The following LRRC4B variants were observed in gnomAD, a reference collection of about 807,000 sequenced individuals.
LRRC4B encodes the protein leucine rich repeat containing 4B.
A neutral mutation model predicts 7.3 loss-of-function variants in LRRC4B; 1 was observed. The observed-to-expected ratio is 0.14, with a 90% CI of 0.05 to 0.65. The LOEUF (loss-of-function observed/expected upper bound fraction) is 0.65, where lower values mean the gene tolerates loss of function less well. Among genes scored for constraint, LRRC4B ranks in the 30% least tolerant of loss-of-function variants. LRRC4B has a pLI of 0.84. For synonymous variants in LRRC4B, 500 were observed against 499.2 expected (o/e 1.00, Z -0.02); for missense variants, 730 against 1,041.6 (o/e 0.70, Z 4.12).
At chr19:50,539,949 A>G (rs957499988) in intron 2 of LRRC4B, among the ~76,000 whole-genome samples, 1 of 152,098 alleles carries the variant, frequency 6.6e-6, no homozygotes, top group African/African-American at 2.4e-5. Flanking sequence ...TAAAGAAAAC[A>G]TAAAGAAGAA....
chr19:50,526,581 G>A (rs548604248), intron 2 of LRRC4B, among the ~76,000 whole-genome samples: 6 of 152,190 alleles, frequency 3.9e-5, no homozygotes, highest in Non-Finnish European at 7.3e-5. Flanking sequence ...AGTGGCTTAC[G>A]CCTGTAATCC....
chr19:50,548,512 G>C lies in LRRC4B; in HGVS notation c.297+30C>G. On this transcript the variant is annotated intron_variant, in intron 2 of 2. Coordinates refer to ENST00000652263, the MANE Select transcript of LRRC4B (RefSeq NM_001080457.2). The surrounding 1 kb of genome is among the most constrained non-coding windows in gnomAD (Gnocchi z 6.8). ...CATGCCTCCCCAGTGTCCCCTCCAA[G>C]GTCCCCCTCTGCCCGCTGGCCCCGC... 1 of 1,569,406 alleles carries C rather than the reference G, an allele frequency of 6.4e-7. No homozygotes were observed.
Position 50,553,064 on chromosome 19 carries a change from G to A in LRRC4B, c.-35-4191C>T, listed in dbSNP as rs534826489. Among the ~76,000 whole-genome samples, 28 of 152,284 alleles carry A rather than the reference G, an allele frequency of 1.8e-4. No individual in the cohort carries two copies. The highest frequency in any genetic ancestry group is 5.2e-4 in the Admixed American group (8 of 15,290). The stretch of plus-strand genomic sequence containing the variant: ...CTAGGGCCACTGTGGGGATTAAATC[G>A]CTAAATCCTTGGTAAAGAGTTCTGT... On this transcript the variant is annotated intron_variant, in intron 1 of 2. Transcript: ENST00000652263. This position sits in a 1 kb window ranked among gnomAD's most constrained non-coding sequence, Gnocchi z 4.2.
At chr19:50,524,484 C>T (rs1293654749) in intron 2 of LRRC4B, among the ~76,000 whole-genome samples, 1 of 152,108 alleles carries the variant, frequency 6.6e-6, no homozygotes, top group Non-Finnish European at 1.5e-5. Flanking sequence ...AAACTCCTGG[C>T]CTCAAGCGAT....
In LRRC4B at chr19:50,517,505, A is replaced by G; in HGVS notation, c.*66T>C. On this transcript the variant is annotated 3_prime_UTR_variant, in exon 3 of 3. Coordinates refer to ENST00000652263, the MANE Select transcript of LRRC4B (RefSeq NM_001080457.2). This position sits in a 1 kb window ranked among gnomAD's most constrained non-coding sequence, Gnocchi z 6.6. ...GCTGTGGGAGGGAGGGGTCCCGGTC[A>G]GGCTGCGCCCGGGCTGGGACCTGGG... 7.6e-7 allele frequency: 1 copy of G among 1,311,986 alleles called. No homozygotes were observed. The allele number at this position is 1,311,986 out of a possible 1,614,324, so 81.3% of individuals were successfully genotyped here.
chr19:50,522,866 T>C (rs780506542), intron 2 of LRRC4B, among the ~76,000 whole-genome samples: 2 of 152,236 alleles, frequency 1.3e-5, no homozygotes, highest in Non-Finnish European at 2.9e-5. Context: ...CACTAAGATA[T>C]TATAAAACCT....
intron 1 of LRRC4B, among the ~76,000 whole-genome samples, chr19:50,564,419 C>G (rs1485434464): frequency 6.6e-6 from 1 of 151,840 alleles, no homozygotes; most frequent in African/African-American, 2.4e-5. Context: ...CTGGCAGGAA[C>G]AGCAGCAGAG....
intron 2 of LRRC4B, among the ~76,000 whole-genome samples, chr19:50,536,984 G>C (rs1382289966): frequency 1.3e-5 from 2 of 152,126 alleles, no homozygotes; most frequent in Non-Finnish European, 2.9e-5. Flanking sequence ...TGTGGTGGCA[G>C]GGGTGTGTGG....
At chr19:50,525,129 C>T (rs1980749027) in intron 2 of LRRC4B, among the ~76,000 whole-genome samples, 1 of 152,160 alleles carries the variant, frequency 6.6e-6, no homozygotes, top group African/African-American at 2.4e-5. Flanking sequence ...GTGTGAAGAG[C>T]AGAGCCCTGT....
At position 50,535,077 on chromosome 19, in the gene LRRC4B, C is replaced by T. The variant is rs149468890; in HGVS notation, c.297+13465G>A. Among the ~76,000 whole-genome samples, 491 of 152,122 alleles carry T rather than the reference C, an allele frequency of 3.2e-3. 2 individuals are homozygous for T. The highest frequency in any genetic ancestry group is 0.011 in the African/African-American group (460 of 41,486). On this transcript the variant is annotated intron_variant, in intron 2 of 2. Coordinates refer to ENST00000652263, the MANE Select transcript of LRRC4B (RefSeq NM_001080457.2). Reference sequence around the variant, plus strand: ...TAGAGACAGGGTTTCACTGTGTTAGCCAGGATGGTCTCGATCTCCTGACCT... The same window carrying T: ...TAGAGACAGGGTTTCACTGTGTTAGTCAGGATGGTCTCGATCTCCTGACCT...
intron 1 of LRRC4B, among the ~76,000 whole-genome samples, chr19:50,565,060 GC>G (rs1454419311): frequency 6.6e-6 from 1 of 152,172 alleles, no homozygotes; most frequent in East Asian, 1.9e-4. Flanking sequence ...TCCCTGAGGA[GC>G]CCCGTGGCGA....
At chr19:50,538,559 GTTTTT>G (rs71886675) in intron 2 of LRRC4B, among the ~76,000 whole-genome samples, 2 of 90,324 alleles carry the variant, frequency 2.2e-5, no homozygotes, top group African/African-American at 3.6e-5. Flanking sequence ...GTTTTGTCTT[GTTTTT>G]TTTTTTTTTT....
chr19:50,551,732 G>A (rs1982075157), intron 1 of LRRC4B, among the ~76,000 whole-genome samples: 1 of 150,856 alleles, frequency 6.6e-6, no homozygotes, highest in Admixed American at 6.6e-5. Context: ...GCCCGTCTCA[G>A]TCAGGTTGTC....
intron 2 of LRRC4B, among the ~76,000 whole-genome samples, chr19:50,536,975 G>A (rs1981322791): frequency 6.6e-6 from 1 of 152,130 alleles, no homozygotes; most frequent in Non-Finnish European, 1.5e-5. Flanking sequence ...CCAGCTGGGT[G>A]TGGTGGCAGG....
At chr19:50,544,251 A>C (rs1981694442) in intron 2 of LRRC4B, among the ~76,000 whole-genome samples, 1 of 152,152 alleles carries the variant, frequency 6.6e-6, no homozygotes, top group Admixed American at 6.6e-5. Context: ...TCATGCCTGT[A>C]ATCCCAGCAC....
intron 2 of LRRC4B, among the ~76,000 whole-genome samples, chr19:50,525,056 C>T (rs1980745591): frequency 1.3e-5 from 2 of 152,218 alleles, no homozygotes; most frequent in Non-Finnish European, 2.9e-5. Flanking sequence ...CTCGCTCGGC[C>T]ACCTCACACC....
intron 2 of LRRC4B, among the ~76,000 whole-genome samples, chr19:50,542,764 C>A (rs1280121270): frequency 6.6e-6 from 1 of 152,110 alleles, no homozygotes; most frequent in African/African-American, 2.4e-5. Flanking sequence ...GGCATAGCCA[C>A]CGCGCCTGGC....
chr19:50,547,258 G>A (rs138080383), intron 2 of LRRC4B, among the ~76,000 whole-genome samples: 15 of 152,238 alleles, frequency 9.9e-5, no homozygotes, highest in Non-Finnish European at 2.2e-4. Flanking sequence ...GTGATGTGAC[G>A]ACGCCCCTGA....
intron 2 of LRRC4B, among the ~76,000 whole-genome samples, chr19:50,541,667 T>C (rs12979022): frequency 1.1e-4 from 16 of 152,206 alleles, no homozygotes; most frequent in African/African-American, 9.6e-5. Context: ...TACAACCTCA[T>C]AGCCGGCCCC....
Sources: gnomAD v4.1 joint callset for allele counts (sites outside exome capture counted in the v4.1 genomes callset) on GRCh38, gnomAD v4.1.1 for gene constraint, Gnocchi (gnomAD v3.1) non-coding constraint, MANE v1.5 for transcripts, NCBI Gene and HGNC (gene_info 2026-07-23, HGNC 2026-07-21) for gene names.